Variants in DCTN2 observed in about 807,000 individuals in gnomAD.
DCTN2 encodes the protein 50 kDa dynein-associated polypeptide.
DCTN2 carries 18 observed loss-of-function variants against 55.4 expected under a neutral mutation model. The ratio of observed to expected loss-of-function variants is 0.32; its 90% CI spans 0.22 to 0.48. DCTN2 has a LOEUF of 0.48. DCTN2 is among the 20% of genes least tolerant of loss of function. DCTN2 has a pLI of 0.99. For synonymous variants in DCTN2, 168 were observed against 185.2 expected (o/e 0.91, Z 0.76); for missense variants, 390 against 491.0 (o/e 0.79, Z 1.94).
At chr12:57,535,224 C>A in intron 4 of DCTN2, 70 bp from the exon 5 acceptor site, 1 of 1,307,356 alleles carries the variant, frequency 7.6e-7, no homozygotes. Flanking sequence ...CATCCACACC[C>A]TGGGCCTAAG....
At chr12:57,531,312 C>T (rs1306545280) in intron 13 of DCTN2, among the ~76,000 whole-genome samples, 2 of 151,844 alleles carry the variant, frequency 1.3e-5, no homozygotes, top group African/African-American at 4.8e-5. Context: ...CACTTGAGGT[C>T]AGGAGTTTGA....
intron 4 of DCTN2, 129 bp downstream of exon 4, chr12:57,535,355 C>T: frequency 7.9e-7 from 1 of 1,267,496 alleles, no homozygotes. Context: ...TCCCTGGCTG[C>T]ATCCTGCTGC....
rs747346336 is a variant in DCTN2 at position 57,534,378 on chromosome 12, C to T, written c.438G>A (p.Lys146=). 2.5e-6 allele frequency: 4 copies of T among 1,613,022 alleles called. No homozygotes were observed. Among genetic ancestry groups the T allele is most frequent in the Non-Finnish European group, 3.4e-6 (4 of 1,179,318 alleles). ...CCAGGTGGGAAGCAACCAGCTGCTG[C>T]TTCAGGGCTGCCAGCTGTTTAGCCA... The part of the protein sequence containing the change: ...VLLAKQLAAL[K]QQLVASHLEK... Residue 146 remains lysine (K), a synonymous_variant, in exon 6 of 14, where the codon AAG becomes AAA. Transcript: ENST00000548249.
intron 2 of DCTN2, chr12:57,542,954 C>T: frequency 2.2e-6 from 1 of 456,028 alleles, no homozygotes; most frequent in South Asian, 1.5e-5. Context: ...ACCCTTGAAT[C>T]CTCTGTTCCC....
In DCTN2 at chr12:57,532,986, T is replaced by C. The variant is rs760723090; in HGVS notation, c.772A>G (p.Met258Val). ...LSAGLQGACL[M>V]ETVELLQAKV... ...ACTCCAGTTTCTTCCAAACTCACCA[T>C]GAGACAGGCTCCCTGTAGACCTGCA... Residue 258 changes from methionine (M) to valine (V), a missense_variant and splice_region_variant, in exon 9 of 14, where the codon ATG becomes GTG. Physicochemically the swap from Met to Val is conservative, Grantham distance 21. This residue lies in a region of DCTN2 where 273 missense variants were observed against 303.2 expected (regional missense o/e 0.90). Coordinates refer to ENST00000548249, the MANE Select transcript of DCTN2 (RefSeq NM_001261413.2). The C allele has an allele frequency of 4.1e-5, 65 of 1,603,694 alleles. No homozygotes were observed. In the South Asian group the frequency reaches 5.0e-4, roughly 12 times the overall value.
At chr12:57,540,046 T>A in intron 2 of DCTN2, 3 of 945,504 alleles carry the variant, frequency 3.2e-6, no homozygotes, top group Non-Finnish European at 3.8e-6. Context: ...AGTGAGACTG[T>A]CTCAAAAAAA....
At chr12:57,531,977 C>G (rs1879763445) in intron 13 of DCTN2, 38 bp downstream of exon 13, 1 of 1,552,596 alleles carries the variant, frequency 6.4e-7, no homozygotes. Flanking sequence ...TTTGCACATG[C>G]TGGAGAAAGG....
At chr12:57,541,311 G>A in intron 2 of DCTN2, 2 of 1,591,626 alleles carry the variant, frequency 1.3e-6, no homozygotes, top group East Asian at 2.2e-5. Context: ...AGCATTGCAT[G>A]CGAGATGGCA....
chr12:57,532,994 G>T lies in DCTN2; in HGVS notation c.764C>A (p.Ala255Asp). 2.5e-6 allele frequency: 4 copies of T among 1,604,484 alleles called. No homozygotes were observed. Among genetic ancestry groups the T allele is most frequent in the Non-Finnish European group, 3.4e-6 (4 of 1,175,418 alleles). The part of the protein sequence containing the change: ...QNPLSAGLQG[A>D]CLMETVELLQ... ...TTCTTCCAAACTCACCATGAGACAG[G>T]CTCCCTGTAGACCTGCAGAAAGGGG... The change falls in exon 9 of 14, where the codon GCC becomes GAC. Residue 255 changes from alanine to aspartate, a missense_variant. By Grantham distance (126) the Ala-to-Asp change is moderately radical (BLOSUM62 -2). Coordinates refer to ENST00000548249, the MANE Select transcript of DCTN2 (RefSeq NM_001261413.2).
chr12:57,531,416 C>T (rs1001365699), intron 13 of DCTN2, among the ~76,000 whole-genome samples: 1 of 152,128 alleles, frequency 6.6e-6, no homozygotes, highest in Admixed American at 6.5e-5. Context: ...ACTCAATAGG[C>T]TGAGGCATGA....
intron 2 of DCTN2, chr12:57,543,140 G>C (rs1880839866): frequency 4.8e-6 from 2 of 416,714 alleles, no homozygotes; most frequent in Non-Finnish European, 9.6e-6. Context: ...ACGAGGTCAG[G>C]AGATCGAGAC....
At chr12:57,539,431 T>A (rs977554963) in intron 2 of DCTN2, among the ~76,000 whole-genome samples, 1 of 152,134 alleles carries the variant, frequency 6.6e-6, no homozygotes, top group Non-Finnish European at 1.5e-5. Context: ...TCACAGGGGT[T>A]GGAGGGTAAA....
At chr12:57,537,433 G>A (rs1487096715) in intron 2 of DCTN2, among the ~76,000 whole-genome samples, 3 of 151,506 alleles carry the variant, frequency 2.0e-5, no homozygotes, top group Non-Finnish European at 4.4e-5. Flanking sequence ...GGTAGGGCCA[G>A]ATATCCAGGT....
intron 2 of DCTN2, chr12:57,538,588 G>C: frequency 1.4e-6 from 1 of 726,926 alleles, no homozygotes; most frequent in Non-Finnish European, 2.5e-6. Context: ...GGGGGAATGG[G>C]GATGAGGGAG....
At chr12:57,533,632 G>A (rs111810826) in intron 7 of DCTN2, among the ~76,000 whole-genome samples, 71 of 152,078 alleles carry the variant, frequency 4.7e-4, no homozygotes, top group Non-Finnish European at 8.4e-4. Context: ...TGAGCCGGGC[G>A]TGGTGGCAGG....
At chr12:57,542,738 G>A in intron 2 of DCTN2, 2 of 451,050 alleles carry the variant, frequency 4.4e-6, no homozygotes, top group Non-Finnish European at 8.9e-6. Flanking sequence ...AGAATCGCTT[G>A]AACCGGGGAG....
In DCTN2 at chr12:57,533,284, C is replaced by T. The variant is rs772319650; in HGVS notation, c.689G>A (p.Arg230His). 6.8e-5 allele frequency: 109 copies of T among 1,613,848 alleles called. No individual in the cohort carries two copies. The highest frequency in any genetic ancestry group is 1.6e-4 in the Middle Eastern group (1 of 6,072). Residue 230 changes from arginine (R) to histidine (H), a missense_variant, in exon 8 of 14, where the codon CGC (arginine) becomes CAC (histidine). Physicochemically the swap from Arg to His is conservative, Grantham distance 29. Around this residue, in one of 2 missense-constraint regions of DCTN2, gnomAD observed 273 missense variants for 303.2 expected, o/e 0.90. Coordinates refer to ENST00000548249, the MANE Select transcript of DCTN2 (RefSeq NM_001261413.2). ...QAAKVAELEK[R>H]LTELETAVRC... ...TACAGCTGTCTCCAGCTCTGTCAGG[C>T]GCTTTTCAAGTTCTGCGACCTAGTG...
rs376031861 is a variant in DCTN2, at chr12:57,532,117, A to G, written c.1028-11T>C. ...GACCAAACTGCATGGCTACAAAAGAAAAGTATGGTTGAGACTTGAATCCAA... is the reference window on the plus strand; with the variant it reads ...GACCAAACTGCATGGCTACAAAAGAGAAGTATGGTTGAGACTTGAATCCAA... On this transcript the variant is annotated splice_polypyrimidine_tract_variant and intron_variant, in intron 12 of 13. Coordinates refer to ENST00000548249, the MANE Select transcript of DCTN2 (RefSeq NM_001261413.2). 1.4e-5 allele frequency: 21 copies of G among 1,555,440 alleles called. No individual in the cohort carries two copies. The African/African-American group carries it at 1.5e-4, about 11-fold the overall frequency.
chr12:57,537,185 A>G (rs1197369864), intron 2 of DCTN2, among the ~76,000 whole-genome samples: 2 of 150,880 alleles, frequency 1.3e-5, no homozygotes, highest in Non-Finnish European at 3.0e-5. Flanking sequence ...AAAATATAAA[A>G]TAGCTGGGTA....
Sources: allele counts gnomAD v4.1 joint callset (sites outside exome capture counted in the v4.1 genomes callset), GRCh38; gene constraint gnomAD v4.1.1; regional missense constraint gnomAD v4.1.1; transcripts MANE v1.5; gene names NCBI Gene and HGNC (gene_info 2026-07-23, HGNC 2026-07-21).